The following TSACC variants were observed in gnomAD, a reference collection of about 807,000 sequenced individuals.
The protein encoded by TSACC is TSSK6 activating cochaperone.
Under a neutral mutation model 6.9 loss-of-function variants are expected in TSACC, and 3 were observed. That is an observed-to-expected ratio of 0.43 (90% confidence interval 0.20 to 1.12). The LOEUF is 1.12. Ranked by LOEUF, TSACC falls within the 50% of genes most tolerant of loss-of-function variation. The probability of loss-of-function intolerance (pLI) is 0.28; values close to 1 mark genes in which losing one functional copy is unlikely to be tolerated. For synonymous variants in TSACC, 54 were observed against 55.1 expected (o/e 0.98, Z 0.09); for missense variants, 137 against 143.9 (o/e 0.95, Z 0.24).
At chr1:156,343,639 C>T (rs1570958186) in intron 2 of TSACC, among the ~76,000 whole-genome samples, 1 of 152,154 alleles carries the variant, frequency 6.6e-6, no homozygotes, top group Non-Finnish European at 1.5e-5. Context: ...GATGGGAATA[C>T]CATGATTGGC....
upstream of TSACC, chr1:156,338,434 A>G (rs1665568718): frequency 1.2e-5 from 7 of 572,376 alleles, no homozygotes; most frequent in South Asian, 1.5e-4. Context: ...CGCACGACGA[A>G]GGCACTGGGA....
chr1:156,344,744 CA>C (rs752579510), intron 3 of TSACC, 36 bp downstream of exon 3: 8 of 1,607,186 alleles, frequency 5.0e-6, no homozygotes, highest in South Asian at 1.1e-5. Flanking sequence ...ATGGACTCAA[CA>C]GGGGGAAGGG....
chr1:156,338,435 G>A, upstream of TSACC: 1 of 573,462 alleles, frequency 1.7e-6, no homozygotes, highest in Non-Finnish European at 3.1e-6. Context: ...GCACGACGAA[G>A]GCACTGGGAG....
At chr1:156,345,939 A>G (rs1354087588) in intron 3 of TSACC, among the ~76,000 whole-genome samples, 1 of 151,788 alleles carries the variant, frequency 6.6e-6, no homozygotes, top group East Asian at 1.9e-4. Context: ...CACACTTGTA[A>G]TACCAGCACT....
chr1:156,338,235 C>T (rs746930866), upstream of TSACC: 2 of 1,552,212 alleles, frequency 1.3e-6, no homozygotes, highest in East Asian at 2.3e-5. Flanking sequence ...CCGGCAGAAC[C>T]TTCTGGAGAG....
At chr1:156,345,205 C>A (rs1156346753) in intron 3 of TSACC, among the ~76,000 whole-genome samples, 1 of 152,150 alleles carries the variant, frequency 6.6e-6, no homozygotes, top group Non-Finnish European at 1.5e-5. Context: ...ACAAAGAAGT[C>A]AAGACTGATA....
chr1:156,341,879 C>T (rs924515171), intron 2 of TSACC, among the ~76,000 whole-genome samples: 7 of 151,760 alleles, frequency 4.6e-5, no homozygotes, highest in Non-Finnish European at 8.8e-5. Context: ...CTGACTAACA[C>T]GGTGAAACCC....
At chr1:156,345,828 C>G (rs1666138716) in intron 3 of TSACC, among the ~76,000 whole-genome samples, 1 of 148,202 alleles carries the variant, frequency 6.7e-6, no homozygotes. Flanking sequence ...GATTGTGCCG[C>G]TGCACTGCAT....
At position 156,338,553 on chromosome 1, in the gene TSACC, G is replaced by A. The variant is rs903655409; in HGVS notation, c.-177G>A. 7.6e-6 allele frequency: 3 copies of A among 396,274 alleles called. No homozygotes were observed. The highest frequency in any genetic ancestry group is 1.4e-5 in the Non-Finnish European group (3 of 214,320). 24.5% of individuals were successfully genotyped at this position (396,274 alleles called of 1,614,324 possible). ...TTGGCCAGCACACCACTACGCATGTGTGTCAACTCTAGGGTTGGGTGCTGG... is the reference window on the plus strand; with the variant it reads ...TTGGCCAGCACACCACTACGCATGTATGTCAACTCTAGGGTTGGGTGCTGG... On this transcript the variant is annotated 5_prime_UTR_variant, in exon 1 of 4. It adds an upstream start codon to the 5' untranslated region. Coordinates refer to ENST00000368254, the MANE Select transcript of TSACC (RefSeq NM_001304817.2).
intron 3 of TSACC, among the ~76,000 whole-genome samples, chr1:156,345,883 AAAG>A (rs1232371737): frequency 2.0e-5 from 3 of 151,402 alleles, no homozygotes; most frequent in African/African-American, 7.3e-5. Flanking sequence ...AAAAAAGAAA[AAAG>A]AAAAATATTA....
chr1:156,339,937 T>A, intron 2 of TSACC, 146 bp downstream of exon 2: 2 of 810,898 alleles, frequency 2.5e-6, no homozygotes, highest in Admixed American at 5.0e-5. Context: ...GTTAAATGAA[T>A]TTATTATTCT....
upstream of TSACC, chr1:156,338,284 A>C: frequency 8.4e-7 from 1 of 1,191,458 alleles, no homozygotes; most frequent in Non-Finnish European, 1.2e-6. Context: ...CTGCCTCCTC[A>C]GGGCTTACAC....
chr1:156,346,963 T>A lies in TSACC; in HGVS notation c.359T>A (p.Leu120Gln), dbSNP rs1055329190. The change falls in exon 4 of 4, where the codon CTG becomes CAG. Residue 120 changes from leucine to glutamine, a missense_variant. Coordinates refer to ENST00000368254, the MANE Select transcript of TSACC (RefSeq NM_001304817.2). ...TCTCCTAATCCATTGTTAAATCACC[T>A]GCCCCAATTCAGTAAATGAATTGTG... ...ALSPNPLLNH[L>Q]PQFSK The A allele has an allele frequency of 1.9e-6, 3 of 1,614,106 alleles. No homozygotes were observed. The highest frequency in any genetic ancestry group is 3.3e-5 in the Admixed American group (2 of 60,012).
upstream of TSACC, chr1:156,338,203 C>G: frequency 1.9e-6 from 3 of 1,584,110 alleles, no homozygotes; most frequent in Non-Finnish European, 2.6e-6. Flanking sequence ...GATGCAGAGC[C>G]GGGTACCCAG....
At chr1:156,340,369 C>A (rs560366931) in intron 2 of TSACC, among the ~76,000 whole-genome samples, 6 of 152,030 alleles carry the variant, frequency 3.9e-5, no homozygotes, top group African/African-American at 1.4e-4. Context: ...CCGTGTCAGC[C>A]AGGATGGTCT....
intron 2 of TSACC, among the ~76,000 whole-genome samples, chr1:156,343,379 G>C (rs926216286): frequency 6.6e-6 from 1 of 152,156 alleles, no homozygotes; most frequent in Non-Finnish European, 1.5e-5. Context: ...TTTGGTGCCT[G>C]TTGGTGTCTG....
chr1:156,337,863 C>A (rs1270265754), upstream of TSACC: 10 of 491,212 alleles, frequency 2.0e-5, no homozygotes, highest in Admixed American at 1.8e-4. Context: ...GGCGCAGGGG[C>A]GGGGGAAGCG....
At chr1:156,338,062 G>C, upstream of TSACC, 1 of 1,381,142 alleles carries the variant, frequency 7.2e-7, no homozygotes, top group South Asian at 1.2e-5. Flanking sequence ...TCAGTGGCCC[G>C]GTCAGTGGGG....
chr1:156,342,303 G>A (rs891462934), intron 2 of TSACC, among the ~76,000 whole-genome samples: 5 of 152,050 alleles, frequency 3.3e-5, no homozygotes, highest in African/African-American at 1.2e-4. Flanking sequence ...CCTACCAGTA[G>A]AGCCTGGAAA....
Sources: allele counts gnomAD v4.1 joint callset (sites outside exome capture counted in the v4.1 genomes callset), GRCh38; gene constraint gnomAD v4.1.1; transcripts MANE v1.5; gene names NCBI Gene and HGNC (gene_info 2026-07-23, HGNC 2026-07-21).